The following NAV2 variants were observed in gnomAD, a reference collection of about 807,000 sequenced individuals.
The protein encoded by NAV2 is neuron navigator 2.
Under a neutral mutation model 223.2 loss-of-function variants are expected in NAV2, and 54 were observed. The observed-to-expected ratio is 0.24, with a 90% CI of 0.19 to 0.30. NAV2 has a LOEUF of 0.30. Among genes scored for constraint, NAV2 ranks in the 10% least tolerant of loss-of-function variants. NAV2 has a pLI of 1.00. For missense variants in NAV2, 2,806 were observed against 3,147.5 expected (o/e 0.89, Z 2.60); for synonymous variants, 1,279 against 1,239.3 (o/e 1.03, Z -0.67).
At chr11:19,801,449 G>C (rs1394394926) in intron 1 of NAV2, among the ~76,000 whole-genome samples, 1 of 152,218 alleles carries the variant, frequency 6.6e-6, no homozygotes, top group Non-Finnish European at 1.5e-5. Context: ...ACGATACAAA[G>C]TGTGTCCTCA....
chr11:19,962,082 A>G (rs985445670), intron 10 of NAV2, among the ~76,000 whole-genome samples: 3 of 151,524 alleles, frequency 2.0e-5, no homozygotes, highest in Non-Finnish European at 2.9e-5. Flanking sequence ...GACTGCCTTT[A>G]GACTCGAGCT....
intron 1 of NAV2, among the ~76,000 whole-genome samples, chr11:19,742,930 T>A (rs543460163): frequency 6.6e-6 from 1 of 152,220 alleles, no homozygotes; most frequent in African/African-American, 2.4e-5. Context: ...TGGAGACTTC[T>A]GTAGTGTCTT....
intron 1 of NAV2, among the ~76,000 whole-genome samples, chr11:19,631,873 G>A (rs934412248): frequency 2.0e-5 from 3 of 152,214 alleles, no homozygotes; most frequent in Non-Finnish European, 4.4e-5. Flanking sequence ...ATTAGCCATC[G>A]TCTTCCCAGG....
intron 1 of NAV2, among the ~76,000 whole-genome samples, chr11:19,388,720 G>T (rs532225623): frequency 4.9e-4 from 75 of 152,228 alleles, no homozygotes; most frequent in African/African-American, 1.7e-3. Flanking sequence ...TAATATCTGT[G>T]AAATCTTATT....
At chr11:19,869,117 T>G in intron 4 of NAV2, 120 bp downstream of exon 4, 2 of 982,432 alleles carry the variant, frequency 2.0e-6, no homozygotes. Flanking sequence ...CTGGTTTTGT[T>G]TTCCTTTATG....
chr11:19,618,513 GA>G, intron 1 of NAV2, among the ~76,000 whole-genome samples: 1 of 151,742 alleles, frequency 6.6e-6, no homozygotes. Flanking sequence ...TGGATGGATG[GA>G]TGGATGGATG....
At chr11:19,427,035 G>C (rs1433905384) in intron 1 of NAV2, among the ~76,000 whole-genome samples, 4 of 150,056 alleles carry the variant, frequency 2.7e-5, no homozygotes, top group East Asian at 2.0e-4. Context: ...GTGTGACTGA[G>C]ACTTCTTAGC....
At position 19,963,132 on chromosome 11, in the gene NAV2, G is replaced by A. The variant is rs138819325; in HGVS notation, c.2645+14052G>A. ...GACTTTCTGCCAGTCCTGCTGTGGT[G>A]GCACTGTAATTCATAGTCGCTAACT... On this transcript the variant is annotated intron_variant, in intron 10 of 37. Coordinates refer to ENST00000349880, the MANE Select transcript of NAV2 (RefSeq NM_145117.5). 3.4e-3 allele frequency among the ~76,000 whole-genome samples: 521 copies of A among 152,302 alleles called. 1 individual carries two copies. Among genetic ancestry groups the A allele is most frequent in the African/African-American group, 0.012 (491 of 41,566 alleles).
intron 1 of NAV2, among the ~76,000 whole-genome samples, chr11:19,817,427 G>C (rs764922356): frequency 6.6e-6 from 1 of 152,148 alleles, no homozygotes; most frequent in African/African-American, 2.4e-5. Context: ...ATGGAATGTG[G>C]GTCAGGTGAG....
chr11:19,770,189 C>A (rs2055594210), intron 1 of NAV2, among the ~76,000 whole-genome samples: 1 of 152,154 alleles, frequency 6.6e-6, no homozygotes, highest in African/African-American at 2.4e-5. Context: ...TTTAAAAGTG[C>A]TTCAACAATA....
At chr11:19,709,022 C>T (rs2049768462), upstream of NAV2, among the ~76,000 whole-genome samples, 1 of 151,964 alleles carries the variant, frequency 6.6e-6, no homozygotes. Flanking sequence ...GCTTGCAAAA[C>T]ATTGATTTAA....
At chr11:19,356,048 G>GGTA (rs1853596332) in intron 1 of NAV2, among the ~76,000 whole-genome samples, 1 of 152,218 alleles carries the variant, frequency 6.6e-6, no homozygotes, top group Admixed American at 6.5e-5. Context: ...TGGAGCTGGA[G>GGTA]GTAGCAGCAG....
At chr11:20,069,590 A>C (rs7951140) in intron 22 of NAV2, among the ~76,000 whole-genome samples, 36,621 of 151,944 alleles carry the variant, frequency 0.24, 5,209 homozygotes, top group African/African-American at 0.39. Context: ...CAGGTGAAGG[A>C]TGAAGCTCAG....
intron 5 of NAV2, chr11:19,884,372 T>G: frequency 6.2e-7 from 1 of 1,611,042 alleles, no homozygotes; most frequent in Non-Finnish European, 8.5e-7. Context: ...GGTTAGACTT[T>G]CTCTGTGTCC....
chr11:20,099,971 C>A (rs2061515703), intron 31 of NAV2, among the ~76,000 whole-genome samples: 1 of 152,068 alleles, frequency 6.6e-6, no homozygotes, highest in Non-Finnish European at 1.5e-5. Flanking sequence ...ATCTGGGGGC[C>A]TTTGTCATGT....
intron 27 of NAV2, among the ~76,000 whole-genome samples, chr11:20,091,922 G>T (rs1372373863): frequency 2.0e-5 from 3 of 152,148 alleles, no homozygotes; most frequent in African/African-American, 7.2e-5. Flanking sequence ...AAACCTCTTA[G>T]ATCATAAGAC....
At chr11:19,489,671 C>A (rs2042559813) in intron 1 of NAV2, among the ~76,000 whole-genome samples, 1 of 152,220 alleles carries the variant, frequency 6.6e-6, no homozygotes, top group Non-Finnish European at 1.5e-5. Context: ...AGCTCTCTCA[C>A]TGTAAGATCA....
intron 4 of NAV2, among the ~76,000 whole-genome samples, chr11:19,873,403 A>G (rs1467268146): frequency 1.3e-5 from 2 of 152,188 alleles, no homozygotes; most frequent in Non-Finnish European, 1.5e-5. Flanking sequence ...TTTGCCAGAC[A>G]GAAAAGGAAG....
At chr11:19,754,000 C>A (rs904965519) in intron 1 of NAV2, among the ~76,000 whole-genome samples, 27 of 152,214 alleles carry the variant, frequency 1.8e-4, no homozygotes, top group African/African-American at 6.3e-4. Flanking sequence ...ACGTTACCAG[C>A]ATAGCAATTG....
Sources: gnomAD v4.1 joint callset for allele counts (sites outside exome capture counted in the v4.1 genomes callset) on GRCh38, gnomAD v4.1.1 for gene constraint, MANE v1.5 for transcripts, NCBI Gene and HGNC (gene_info 2026-07-23, HGNC 2026-07-21) for gene names.